Variants in GALNTL6 observed in about 807,000 individuals in gnomAD.
GALNTL6 encodes polypeptide N-acetylgalactosaminyltransferase-like 6.
A neutral mutation model predicts 73.7 loss-of-function variants in GALNTL6; 46 were observed. That is an observed-to-expected ratio of 0.62 (90% CI 0.49 to 0.80). GALNTL6 has a LOEUF of 0.80. GALNTL6 is among the 30% of genes least tolerant of loss of function. The pLI is 0.00. For missense variants in GALNTL6, 604 were observed against 755.0 expected, an observed-to-expected ratio of 0.80 and a Z score of 2.34; for synonymous variants, 259 against 263.7, an observed-to-expected ratio of 0.98 and a Z score of 0.17.
chr4:172,251,258 C>G (rs1737856845), intron 3 of GALNTL6, among the ~76,000 whole-genome samples: 1 of 152,000 alleles, frequency 6.6e-6, no homozygotes, highest in African/African-American at 2.4e-5. Flanking sequence ...CTTATTAAAG[C>G]CTTCGACTGC....
chr4:172,663,509 C>T (rs1024424784), intron 5 of GALNTL6, among the ~76,000 whole-genome samples: 1 of 152,192 alleles, frequency 6.6e-6, no homozygotes, highest in Non-Finnish European at 1.5e-5. Flanking sequence ...TCCCACTAGT[C>T]GGAGGATCAG....
At chr4:172,603,084 G>A (rs1179862834) in intron 5 of GALNTL6, among the ~76,000 whole-genome samples, 1 of 152,114 alleles carries the variant, frequency 6.6e-6, no homozygotes, top group Admixed American at 6.6e-5. Flanking sequence ...TGAACCAGGG[G>A]TCAGAGGCAG....
At chr4:172,301,661 C>T (rs1362299526) in intron 3 of GALNTL6, among the ~76,000 whole-genome samples, 1 of 152,162 alleles carries the variant, frequency 6.6e-6, no homozygotes, top group Non-Finnish European at 1.5e-5. Context: ...TGGGTATCAG[C>T]TGCGGAGGCT....
chr4:171,931,523 T>A (rs528572613), intron 2 of GALNTL6, among the ~76,000 whole-genome samples: 1 of 152,344 alleles, frequency 6.6e-6, no homozygotes, highest in East Asian at 1.9e-4. Context: ...ACTTTCCTGT[T>A]TACTGGTGTT....
chr4:172,534,802 T>C (rs1022586298), intron 5 of GALNTL6, among the ~76,000 whole-genome samples: 3 of 152,134 alleles, frequency 2.0e-5, no homozygotes, highest in Non-Finnish European at 4.4e-5. Flanking sequence ...TCCTGACTTC[T>C]TGATCTGCCC....
intron 10 of GALNTL6, among the ~76,000 whole-genome samples, chr4:172,982,458 T>A (rs1266727871): frequency 6.6e-6 from 1 of 152,248 alleles, no homozygotes; most frequent in East Asian, 1.9e-4. Context: ...GAATTGAGAC[T>A]GCTATCAAAA....
chr4:172,316,005 C>T (rs1246145845), intron 4 of GALNTL6, among the ~76,000 whole-genome samples: 3 of 151,804 alleles, frequency 2.0e-5, no homozygotes, highest in Admixed American at 1.3e-4. Context: ...AGAAAAGAAG[C>T]TCTGATAAAT....
rs780816300 is a variant in GALNTL6 at position 172,337,345 on chromosome 4, A to G, written c.387-11178A>G. Among the ~76,000 whole-genome samples, 14 of 152,220 alleles carry G rather than the reference A, an allele frequency of 9.2e-5. No individual in the cohort carries two copies. In the South Asian group the frequency reaches 1.7e-3, roughly 18 times the overall value. On this transcript the variant is annotated intron_variant, in intron 4 of 12. Coordinates refer to ENST00000506823, the MANE Select transcript of GALNTL6 (RefSeq NM_001034845.3). ...TTGTGAAGTTAACTGGTTGCTTTGT[A>G]GTTTCTACTGTGTAGTTGCTTCATA...
At chr4:172,552,856 A>AAAAAAAAAAAAAAAAAAAAC (rs1173624538) in intron 5 of GALNTL6, among the ~76,000 whole-genome samples, 1 of 142,088 alleles carries the variant, frequency 7.0e-6, no homozygotes, top group African/African-American at 2.5e-5. Context: ...AAAAAAAAAA[A>AAAAAAAAAAAAAAAAAAAAC]AGGTAAAAAC....
chr4:172,940,812 A>C (rs888393478), intron 9 of GALNTL6, among the ~76,000 whole-genome samples: 1 of 152,048 alleles, frequency 6.6e-6, no homozygotes, highest in Non-Finnish European at 1.5e-5. Context: ...AGCTGGGACT[A>C]CAGGCACACG....
chr4:172,353,749 T>TATAC (rs1368446653), intron 5 of GALNTL6, among the ~76,000 whole-genome samples: 1 of 151,998 alleles, frequency 6.6e-6, no homozygotes, highest in Non-Finnish European at 1.5e-5. Context: ...AATATGTATG[T>TATAC]ATACATACAT....
chr4:172,264,512 A>G (rs1321382967), intron 3 of GALNTL6, among the ~76,000 whole-genome samples: 1 of 140,808 alleles, frequency 7.1e-6, no homozygotes, highest in African/African-American at 2.5e-5. Context: ...ATATATTTAT[A>G]TATTATATTT....
intron 2 of GALNTL6, among the ~76,000 whole-genome samples, chr4:172,180,391 T>C (rs1735201363): frequency 6.6e-6 from 1 of 152,186 alleles, no homozygotes; most frequent in Non-Finnish European, 1.5e-5. Flanking sequence ...TGCCATTCTG[T>C]AGGTTTCCTG....
chr4:172,299,009 G>A (rs1402717020), intron 3 of GALNTL6, among the ~76,000 whole-genome samples: 2 of 152,036 alleles, frequency 1.3e-5, no homozygotes, highest in African/African-American at 4.8e-5. Context: ...GACTTTTTTT[G>A]GTTGGTAAGC....
At chr4:172,484,845 A>G (rs1035043409) in intron 5 of GALNTL6, among the ~76,000 whole-genome samples, 6 of 152,162 alleles carry the variant, frequency 3.9e-5, no homozygotes, top group Non-Finnish European at 8.8e-5. Context: ...AGGACTCAAT[A>G]TAACCTTGTT....
chr4:172,781,727 G>C (rs1323249131), intron 5 of GALNTL6, among the ~76,000 whole-genome samples: 1 of 151,940 alleles, frequency 6.6e-6, no homozygotes, highest in East Asian at 1.9e-4. Context: ...TTAATCTTTG[G>C]AAAGATAGAA....
rs1455444954 is a variant in GALNTL6, at chr4:172,809,317, T to C, written c.554-44T>C. On this transcript the variant is annotated intron_variant, in intron 5 of 12. Transcript: ENST00000506823. This position sits in a 1 kb window ranked among gnomAD's most constrained non-coding sequence, Gnocchi z 4.4. ...CAACCGTGAATAATTCAGCTGCAAC[T>C]AATGTTTTGCGTTTTTTCTATGCAT... 1.3e-6 allele frequency: 2 copies of C among 1,501,366 alleles called. No individual in the cohort carries two copies. The highest frequency in any genetic ancestry group is 1.8e-6 in the Non-Finnish European group (2 of 1,081,974). 93.0% of individuals were successfully genotyped at this position (1,501,366 alleles called of 1,614,324 possible).
At chr4:171,960,499 C>T (rs971567428) in intron 2 of GALNTL6, among the ~76,000 whole-genome samples, 12 of 151,878 alleles carry the variant, frequency 7.9e-5, no homozygotes, top group African/African-American at 2.2e-4. Context: ...AGGCTGGTCT[C>T]GAACTCCTGA....
At chr4:172,336,621 CTT>C (rs1395521194) in intron 4 of GALNTL6, among the ~76,000 whole-genome samples, 1 of 151,866 alleles carries the variant, frequency 6.6e-6, no homozygotes, top group Non-Finnish European at 1.5e-5. Context: ...GTTGGTATGG[CTT>C]TGATTTTTTT....
Sources: allele counts gnomAD v4.1 joint callset (sites outside exome capture counted in the v4.1 genomes callset), GRCh38; gene constraint gnomAD v4.1.1; non-coding constraint Gnocchi (gnomAD v3.1); transcripts MANE v1.5; gene names NCBI Gene and HGNC (gene_info 2026-07-23, HGNC 2026-07-21).